Variants in RALA observed in about 807,000 individuals in gnomAD.
RALA encodes ras-related protein Ral-A.
A neutral mutation model predicts 24.0 loss-of-function variants in RALA; 5 were observed. The observed-to-expected ratio is 0.21, with a 90% CI of 0.11 to 0.44. The LOEUF (loss-of-function observed/expected upper bound fraction) is 0.44. Ranked by LOEUF, RALA falls within the 20% of genes least tolerant of loss-of-function variation. The probability of loss-of-function intolerance (pLI) is 0.99; values close to 1 mark genes in which losing one functional copy is unlikely to be tolerated. For synonymous variants in RALA, 77 were observed against 83.8 expected (o/e 0.92, Z 0.44); for missense variants, 95 against 241.2 (o/e 0.39, Z 4.01).
At chr7:39,630,319 T>C (rs1791573900) in intron 1 of RALA, among the ~76,000 whole-genome samples, 1 of 151,038 alleles carries the variant, frequency 6.6e-6, no homozygotes, top group Admixed American at 6.7e-5. Context: ...CCCACAGTGC[T>C]GGAATTACAG....
intron 4 of RALA, chr7:39,697,588 C>G: frequency 2.9e-6 from 1 of 341,834 alleles, no homozygotes; most frequent in Non-Finnish European, 5.9e-6. Flanking sequence ...GTGTGCCTCT[C>G]AAGCTCCAAT....
At position 39,706,360 on chromosome 7, in the gene RALA, A is replaced by G. The variant is rs1793120210; in HGVS notation, c.*115A>G. 4 of 1,173,300 alleles carry G rather than the reference A, an allele frequency of 3.4e-6. No homozygotes were observed. The highest frequency in any genetic ancestry group is 5.0e-5 in the Admixed American group (2 of 40,316). The allele number at this position is 1,173,300 out of a possible 1,614,324, so 72.7% of individuals were successfully genotyped here. A position where few individuals can be genotyped will look rare whatever the true frequency, so the allele number is the denominator to read the frequency against. ...TTTAACATTTTGGAAATTGTTGTATATCACTAAAAGCATGAATTGGAACTG... is the reference window on the plus strand; with the variant it reads ...TTTAACATTTTGGAAATTGTTGTATGTCACTAAAAGCATGAATTGGAACTG... On this transcript the variant is annotated 3_prime_UTR_variant, in exon 5 of 5. Transcript: ENST00000005257.
intron 1 of RALA, among the ~76,000 whole-genome samples, chr7:39,679,507 G>T (rs1193045864): frequency 1.3e-5 from 2 of 152,048 alleles, no homozygotes; most frequent in Non-Finnish European, 2.9e-5. Context: ...TGAGTCATTT[G>T]TATATCCTTT....
At chr7:39,627,924 T>G (rs1189816371) in intron 1 of RALA, among the ~76,000 whole-genome samples, 1 of 152,196 alleles carries the variant, frequency 6.6e-6, no homozygotes, top group East Asian at 1.9e-4. Context: ...TACAAAACCT[T>G]CAAGATGTGC....
chr7:39,647,938 G>A (rs1387281571), intron 1 of RALA, among the ~76,000 whole-genome samples: 1 of 152,180 alleles, frequency 6.6e-6, no homozygotes, highest in African/African-American at 2.4e-5. Flanking sequence ...AACTTTTCAA[G>A]TATCTGTCAT....
intron 3 of RALA, among the ~76,000 whole-genome samples, chr7:39,694,674 T>C (rs1792885858): frequency 6.6e-6 from 1 of 152,048 alleles, no homozygotes; most frequent in East Asian, 1.9e-4. Flanking sequence ...TTAGGAAACA[T>C]TGTCTAAGAA....
chr7:39,697,857 A>T (rs897800391), intron 4 of RALA, among the ~76,000 whole-genome samples: 3 of 152,178 alleles, frequency 2.0e-5, no homozygotes, highest in Admixed American at 2.0e-4. Flanking sequence ...AGACATTGTC[A>T]GATTCCTTTA....
At position 39,696,541 on chromosome 7, in the gene RALA, T is replaced by C. The variant is rs186429270; in HGVS notation, c.324-144T>C. ...AAGTTTGGACCTTAGTTGCTAATAC[T>C]GTATCGATATTGGTTCATTAATTGT... On this transcript the variant is annotated intron_variant, in intron 3 of 4. Transcript: ENST00000005257. The C allele has an allele frequency of 4.8e-6, 3 of 621,878 alleles. No homozygotes were observed. The Admixed American group carries it at 1.1e-4, about 22-fold the overall frequency. 38.5% of individuals were successfully genotyped at this position (621,878 alleles called of 1,614,324 possible).
chr7:39,706,863 T>TA lies in RALA; in HGVS notation c.*619dup, dbSNP rs1793128648. Reference sequence around the variant, plus strand: ...ATGCCTTAATTTAGAAACTGAAAAATATCTGGTTATATCATTCTGGGTGTG... The same window carrying TA: ...ATGCCTTAATTTAGAAACTGAAAAATAATCTGGTTATATCATTCTGGGTGTG... On this transcript the variant is annotated 3_prime_UTR_variant, in exon 5 of 5. Coordinates refer to ENST00000005257, the MANE Select transcript of RALA (RefSeq NM_005402.4). The TA allele has an allele frequency of 6.5e-6, 1 of 152,706 alleles. No individual in the cohort carries two copies. Among genetic ancestry groups the TA allele is most frequent in the Non-Finnish European group, 1.5e-5 (1 of 68,164 alleles). The allele number at this position is 152,706 out of a possible 1,614,324, so 9.5% of individuals were successfully genotyped here.
intron 4 of RALA, among the ~76,000 whole-genome samples, chr7:39,702,088 A>G (rs1793039300): frequency 1.3e-5 from 2 of 152,374 alleles, no homozygotes; most frequent in East Asian, 1.9e-4. Flanking sequence ...GAATTTTGGT[A>G]GAAATACACT....
chr7:39,668,797 CAA>C (rs70996827), intron 1 of RALA, among the ~76,000 whole-genome samples: 15 of 81,834 alleles, frequency 1.8e-4, no homozygotes, highest in Admixed American at 4.9e-4. Flanking sequence ...AATTCCATCT[CAA>C]AAAAAAAAAA....
At chr7:39,629,601 A>G (rs748212997) in intron 1 of RALA, among the ~76,000 whole-genome samples, 1 of 147,734 alleles carries the variant, frequency 6.8e-6, no homozygotes, top group African/African-American at 2.5e-5. Context: ...GTGTGTATGT[A>G]TTTATTTATT....
At chr7:39,625,483 C>G (rs186448257) in intron 1 of RALA, among the ~76,000 whole-genome samples, 1 of 152,312 alleles carries the variant, frequency 6.6e-6, no homozygotes, top group Admixed American at 6.5e-5. Context: ...GTTTGGATAA[C>G]GTGGTGCTTC....
intron 1 of RALA, among the ~76,000 whole-genome samples, chr7:39,652,912 T>G (rs143682453): frequency 3.4e-3 from 522 of 152,188 alleles, no homozygotes; most frequent in African/African-American, 0.012. Flanking sequence ...ATTACAGGCA[T>G]GCACCACCAT....
At chr7:39,675,453 T>C (rs1792467562) in intron 1 of RALA, among the ~76,000 whole-genome samples, 1 of 152,200 alleles carries the variant, frequency 6.6e-6, no homozygotes, top group South Asian at 2.1e-4. Context: ...AATATACTTG[T>C]GGGCCTGGCA....
intron 2 of RALA, among the ~76,000 whole-genome samples, chr7:39,689,240 A>G (rs1583751847): frequency 6.6e-6 from 1 of 152,014 alleles, no homozygotes; most frequent in Non-Finnish European, 1.5e-5. Flanking sequence ...TGATCCACTC[A>G]CCTCAGCCTC....
intron 4 of RALA, among the ~76,000 whole-genome samples, chr7:39,697,948 A>AGTAT: frequency 6.7e-6 from 1 of 148,890 alleles, no homozygotes; most frequent in South Asian, 2.2e-4. Flanking sequence ...GACTAGGGCA[A>AGTAT]GTGTGTGTGT....
At chr7:39,651,127 T>C (rs1792011878) in intron 1 of RALA, among the ~76,000 whole-genome samples, 1 of 152,216 alleles carries the variant, frequency 6.6e-6, no homozygotes, top group Non-Finnish European at 1.5e-5. Context: ...CAGTATTCAA[T>C]AAATTATATG....
chr7:39,638,691 C>T (rs1169733815), intron 1 of RALA, among the ~76,000 whole-genome samples: 2 of 152,196 alleles, frequency 1.3e-5, no homozygotes, highest in Non-Finnish European at 2.9e-5. Flanking sequence ...AAGCAGTCCT[C>T]CCCTTTGGCC....
Sources: allele counts gnomAD v4.1 joint callset (sites outside exome capture counted in the v4.1 genomes callset), GRCh38; gene constraint gnomAD v4.1.1; transcripts MANE v1.5; gene names NCBI Gene and HGNC (gene_info 2026-07-23, HGNC 2026-07-21).